The following SLC4A4 variants were observed in gnomAD, a reference collection of about 807,000 sequenced individuals.
SLC4A4 encodes solute carrier family 4 member 4.
In SLC4A4, 27 loss-of-function variants were observed where a neutral mutation model predicts 111.5. The observed-to-expected ratio is 0.24, with a 90% CI of 0.18 to 0.33. The LOEUF is 0.33. Ranked by LOEUF, SLC4A4 falls within the 10% of genes least tolerant of loss-of-function variation. The pLI is 1.00. For missense variants in SLC4A4, 909 were observed against 1,315.5 expected, an observed-to-expected ratio of 0.69 and a Z score of 4.78; for synonymous variants, 443 against 463.4, an observed-to-expected ratio of 0.96 and a Z score of 0.57.
At chr4:71,408,007 C>A (rs1321587558) in intron 7 of SLC4A4, among the ~76,000 whole-genome samples, 1 of 152,092 alleles carries the variant, frequency 6.6e-6, no homozygotes, top group Non-Finnish European at 1.5e-5. Context: ...AAATGCACAT[C>A]ATTATGACCT....
chr4:71,390,178 A>C lies in SLC4A4; in HGVS notation c.731-7399A>C, dbSNP rs562133560. 4.6e-5 allele frequency among the ~76,000 whole-genome samples: 7 copies of C among 152,226 alleles called. No individual in the cohort carries two copies. In the South Asian group the frequency reaches 1.5e-3, roughly 32 times the overall value. ...TGTCTAAAACTAGGAAACTGGTCTG[A>C]CAGAAATCCAAACTCTCTTTTAGCC... On this transcript the variant is annotated intron_variant, in intron 6 of 25. Transcript: ENST00000264485.
intron 6 of SLC4A4, among the ~76,000 whole-genome samples, chr4:71,387,619 C>A (rs571004055): frequency 3.3e-5 from 5 of 152,152 alleles, no homozygotes; most frequent in South Asian, 2.1e-4. Flanking sequence ...CTCAGCCTCC[C>A]GAGTAGCTGG....
chr4:71,242,505 G>T (rs1439767869), intron 2 of SLC4A4, among the ~76,000 whole-genome samples: 1 of 152,028 alleles, frequency 6.6e-6, no homozygotes, highest in Non-Finnish European at 1.5e-5. Flanking sequence ...TTTTCTCTTT[G>T]TAAAATGGGA....
intron 2 of SLC4A4, among the ~76,000 whole-genome samples, chr4:71,135,389 G>A (rs1204140137): frequency 1.4e-5 from 2 of 147,176 alleles, no homozygotes; most frequent in Non-Finnish European, 3.0e-5. Flanking sequence ...TCAGCCTCCC[G>A]GGTTCAAGAG....
chr4:71,353,300 C>T (rs1340174332), intron 5 of SLC4A4, among the ~76,000 whole-genome samples: 5 of 152,178 alleles, frequency 3.3e-5, no homozygotes, highest in African/African-American at 1.2e-4. Flanking sequence ...TATGTTTGCT[C>T]TGCAGTTCCT....
chr4:71,499,722 A>G (rs62303778), intron 16 of SLC4A4, among the ~76,000 whole-genome samples: 129,926 of 152,074 alleles, frequency 0.85, 57,093 homozygotes, highest in Non-Finnish European at 0.97. Flanking sequence ...TGTCTTCCAG[A>G]TAACATAATG....
intron 2 of SLC4A4, among the ~76,000 whole-genome samples, chr4:71,241,856 A>G (rs1420269552): frequency 1.3e-5 from 2 of 152,240 alleles, no homozygotes; most frequent in Non-Finnish European, 2.9e-5. Flanking sequence ...TTCCCAGAAC[A>G]GGTTGAGCCC....
At chr4:71,134,577 C>T (rs1743794446) in intron 2 of SLC4A4, among the ~76,000 whole-genome samples, 1 of 152,234 alleles carries the variant, frequency 6.6e-6, no homozygotes. Flanking sequence ...GTGTACTTCT[C>T]TTGCCACTTG....
intron 7 of SLC4A4, among the ~76,000 whole-genome samples, chr4:71,424,542 G>A (rs867775412): frequency 1.2e-3 from 180 of 152,106 alleles, no homozygotes; most frequent in African/African-American, 3.8e-3. Context: ...ACATGCACAC[G>A]TATGTTTATT....
Position 71,569,816 on chromosome 4 carries a change from T to C in SLC4A4, c.*2065T>C, listed in dbSNP as rs1176467467. On this transcript the variant is annotated 3_prime_UTR_variant, in exon 26 of 26. Transcript: ENST00000264485. Reference sequence around the variant, plus strand: ...TAGCTGTTACTTTTACAGTACCTGATACTCCTAAAACTTTTAACTTATACA... The same window carrying C: ...TAGCTGTTACTTTTACAGTACCTGACACTCCTAAAACTTTTAACTTATACA... 1 of 151,752 alleles carries C rather than the reference T, an allele frequency of 6.6e-6. No individual in the cohort carries two copies. The highest frequency in any genetic ancestry group is 1.5e-5 in the Non-Finnish European group (1 of 67,806). 9.4% of individuals were successfully genotyped at this position (151,752 alleles called of 1,614,324 possible). A position where few individuals can be genotyped will look rare whatever the true frequency, so the allele number is the denominator to read the frequency against.
intron 4 of SLC4A4, among the ~76,000 whole-genome samples, chr4:71,344,952 A>G (rs1203350034): frequency 6.6e-6 from 1 of 152,172 alleles, no homozygotes; most frequent in East Asian, 1.9e-4. Context: ...CTTTTAAGTC[A>G]TGGAAAGCAC....
intron 7 of SLC4A4, among the ~76,000 whole-genome samples, chr4:71,416,335 G>C (rs1721821481): frequency 6.6e-6 from 1 of 152,286 alleles, no homozygotes; most frequent in African/African-American, 2.4e-5. Flanking sequence ...TGTGATAAAA[G>C]TTTAGTTTAC....
intron 1 of SLC4A4, among the ~76,000 whole-genome samples, chr4:71,220,939 A>G (rs1718711835): frequency 6.6e-6 from 1 of 152,096 alleles, no homozygotes; most frequent in Admixed American, 6.6e-5. Context: ...CTTGTCATTT[A>G]GCTCCCACTT....
chr4:71,241,524 A>G (rs1199095374), intron 2 of SLC4A4, among the ~76,000 whole-genome samples: 1 of 152,154 alleles, frequency 6.6e-6, no homozygotes, highest in Admixed American at 6.5e-5. Flanking sequence ...GGCCTGGTAG[A>G]CATTTTTTAA....
intron 3 of SLC4A4, among the ~76,000 whole-genome samples, chr4:71,284,882 C>T (rs1236324526): frequency 6.6e-6 from 1 of 152,222 alleles, no homozygotes; most frequent in African/African-American, 2.4e-5. Flanking sequence ...GACTTAGACA[C>T]TTTGGGTAAC....
intron 7 of SLC4A4, among the ~76,000 whole-genome samples, chr4:71,418,311 G>T (rs1722004690): frequency 6.6e-6 from 1 of 152,158 alleles, no homozygotes; most frequent in African/African-American, 2.4e-5. Context: ...CCTCAGCATT[G>T]TTTTCATTTT....
intron 3 of SLC4A4, among the ~76,000 whole-genome samples, chr4:71,296,335 T>A (rs1161115765): frequency 2.0e-5 from 3 of 152,220 alleles, no homozygotes; most frequent in African/African-American, 7.2e-5. Context: ...AATGTACATG[T>A]AGAAAGATAC....
intron 1 of SLC4A4, among the ~76,000 whole-genome samples, chr4:71,224,881 A>T (rs1718957945): frequency 6.6e-6 from 1 of 152,228 alleles, no homozygotes; most frequent in Admixed American, 6.5e-5. Flanking sequence ...TCTTCTCATC[A>T]CATGTACTGT....
chr4:71,351,785 T>C (rs1729867212), intron 5 of SLC4A4, among the ~76,000 whole-genome samples: 1 of 152,212 alleles, frequency 6.6e-6, no homozygotes, highest in Admixed American at 6.5e-5. Context: ...TCAGCAGTAG[T>C]ACATGGGCTT....
Sources: allele counts gnomAD v4.1 joint callset (sites outside exome capture counted in the v4.1 genomes callset), GRCh38; gene constraint gnomAD v4.1.1; transcripts MANE v1.5; gene names NCBI Gene and HGNC (gene_info 2026-07-23, HGNC 2026-07-21).